Variants in ATXN7L1 observed in about 807,000 individuals in gnomAD.
ATXN7L1 encodes ataxin 7 like 1.
In ATXN7L1, 15 loss-of-function variants were observed where a neutral mutation model predicts 70.8. The observed-to-expected ratio is 0.21, with a 90% confidence interval of 0.14 to 0.33. The LOEUF is 0.33. ATXN7L1 is among the 10% of genes least tolerant of loss of function. The probability of loss-of-function intolerance (pLI) is 1.00; values close to 1 mark genes in which losing one functional copy is unlikely to be tolerated. For synonymous variants in ATXN7L1, 440 were observed against 445.1 expected (o/e 0.99, Z 0.14); for missense variants, 975 against 1,097.1 (o/e 0.89, Z 1.57).
intron 3 of ATXN7L1, among the ~76,000 whole-genome samples, chr7:105,677,744 C>G (rs1254568364): frequency 6.6e-6 from 1 of 152,194 alleles, no homozygotes; most frequent in Non-Finnish European, 1.5e-5. Context: ...ATCCCTGCCC[C>G]TGAATTAAAT....
At chr7:105,848,929 C>A (rs1301524338) in intron 2 of ATXN7L1, among the ~76,000 whole-genome samples, 1 of 152,108 alleles carries the variant, frequency 6.6e-6, no homozygotes, top group Admixed American at 6.5e-5. Context: ...GGGCCCTCTC[C>A]CTGCACTGCA....
In ATXN7L1 at chr7:105,773,138, C is replaced by T. The variant is rs1039588419; in HGVS notation, c.355+15466G>A. 5.6e-4 allele frequency among the ~76,000 whole-genome samples: 85 copies of T among 152,226 alleles called. 1 individual carries two copies. The highest frequency in any genetic ancestry group is 2.0e-3 in the African/African-American group (83 of 41,524). On this transcript the variant is annotated intron_variant, in intron 3 of 11. Coordinates refer to ENST00000419735, the MANE Select transcript of ATXN7L1 (RefSeq NM_020725.2). ...GTGTGGTTTTTTTCCTATGTGTGGC[C>T]TAGTTGCTATGGGACTAGTTAATTT...
At chr7:105,675,056 T>A (rs1804412903) in intron 3 of ATXN7L1, among the ~76,000 whole-genome samples, 1 of 151,976 alleles carries the variant, frequency 6.6e-6, no homozygotes, top group Admixed American at 6.6e-5. Context: ...TAGCCTTTCA[T>A]CTGGTAATCT....
rs577014147 is a variant in ATXN7L1, at chr7:105,708,497, A to G, written c.356-43209T>C. Among the ~76,000 whole-genome samples the G allele has an allele frequency of 9.8e-5, 15 of 152,344 alleles. No homozygotes were observed. In the East Asian group the frequency reaches 2.3e-3, roughly 24 times the overall value. Reference sequence around the variant, plus strand: ...TCATCCAAAGAAATATTTTTGCCCCATTAAAATAAATTGGAGCGCAACTTA... The same window carrying G: ...TCATCCAAAGAAATATTTTTGCCCCGTTAAAATAAATTGGAGCGCAACTTA... On this transcript the variant is annotated intron_variant, in intron 3 of 11. Coordinates refer to ENST00000419735, the MANE Select transcript of ATXN7L1 (RefSeq NM_020725.2).
chr7:105,858,034 C>A (rs1350808413), intron 2 of ATXN7L1, among the ~76,000 whole-genome samples: 1 of 152,080 alleles, frequency 6.6e-6, no homozygotes, highest in African/African-American at 2.4e-5. Flanking sequence ...GAGTTGGAGA[C>A]CAGCCTGGGC....
At chr7:105,706,233 G>A (rs1303176166) in intron 3 of ATXN7L1, among the ~76,000 whole-genome samples, 6 of 150,654 alleles carry the variant, frequency 4.0e-5, no homozygotes, top group Admixed American at 1.3e-4. Flanking sequence ...TCGCCCTGTC[G>A]CCCAGGCTGG....
intron 3 of ATXN7L1, among the ~76,000 whole-genome samples, chr7:105,710,857 G>A (rs1793819799): frequency 6.6e-6 from 1 of 152,106 alleles, no homozygotes; most frequent in African/African-American, 2.4e-5. Context: ...ACCCGAGACT[G>A]GGCAATTTAC....
At chr7:105,757,053 C>G (rs930283134) in intron 3 of ATXN7L1, among the ~76,000 whole-genome samples, 5 of 152,152 alleles carry the variant, frequency 3.3e-5, no homozygotes, top group African/African-American at 1.2e-4. Context: ...ATACTACCTT[C>G]AAAACCATCA....
At chr7:105,857,963 T>C (rs1431965823) in intron 2 of ATXN7L1, among the ~76,000 whole-genome samples, 1 of 151,060 alleles carries the variant, frequency 6.6e-6, no homozygotes, top group Admixed American at 6.6e-5. Context: ...GCTGGTGCAG[T>C]GTTCATGCCT....
intron 5 of ATXN7L1, among the ~76,000 whole-genome samples, chr7:105,640,099 C>T (rs950352552): frequency 2.4e-4 from 36 of 151,986 alleles, no homozygotes; most frequent in African/African-American, 8.5e-4. Flanking sequence ...TCAGAGTGAC[C>T]TGCCTCTCTC....
At chr7:105,830,546 C>T (rs931329245) in intron 2 of ATXN7L1, among the ~76,000 whole-genome samples, 3 of 152,256 alleles carry the variant, frequency 2.0e-5, no homozygotes, top group Non-Finnish European at 2.9e-5. Context: ...AAGATAACAT[C>T]TGAGTCATCA....
chr7:105,736,073 A>T (rs1277068569), intron 3 of ATXN7L1, among the ~76,000 whole-genome samples: 1 of 152,022 alleles, frequency 6.6e-6, no homozygotes, highest in Admixed American at 6.5e-5. Flanking sequence ...ATCCAAAGGG[A>T]CTCTAGAGTT....
chr7:105,661,344 A>T (rs569412413), intron 4 of ATXN7L1, among the ~76,000 whole-genome samples: 3 of 152,252 alleles, frequency 2.0e-5, no homozygotes, highest in South Asian at 2.1e-4. Context: ...CTGGCCTAAT[A>T]GGGTGGTATT....
In ATXN7L1 at chr7:105,849,949, T is replaced by C. The variant is rs183718632; in HGVS notation, c.250+25863A>G. Among the ~76,000 whole-genome samples, 18 of 152,354 alleles carry C rather than the reference T, an allele frequency of 1.2e-4. No homozygotes were observed. The East Asian group carries it at 3.3e-3, about 28-fold the overall frequency. ...CTTAAAAATTAATGCAAATTTTCCT[T>C]GATACTCTATTTTTGCCCTACTGTA... is the stretch of plus-strand genomic sequence containing the variant. On this transcript the variant is annotated intron_variant, in intron 2 of 11. Coordinates refer to ENST00000419735, the MANE Select transcript of ATXN7L1 (RefSeq NM_020725.2).
chr7:105,615,253 T>C (rs1793707758), intron 9 of ATXN7L1, among the ~76,000 whole-genome samples: 1 of 152,124 alleles, frequency 6.6e-6, no homozygotes, highest in African/African-American at 2.4e-5. Context: ...GTAAGAAATG[T>C]GAGGACAGGG....
At chr7:105,742,916 C>T (rs1026188707) in intron 3 of ATXN7L1, among the ~76,000 whole-genome samples, 13 of 152,210 alleles carry the variant, frequency 8.5e-5, no homozygotes, top group South Asian at 6.2e-4. Context: ...CAGCATCCCA[C>T]GATTCACCTC....
chr7:105,755,786 A>C (rs1171288112), intron 3 of ATXN7L1, among the ~76,000 whole-genome samples: 2 of 152,198 alleles, frequency 1.3e-5, no homozygotes, highest in Admixed American at 6.5e-5. Flanking sequence ...AGACTCATTA[A>C]AAGAAAAGCT....
intron 3 of ATXN7L1, among the ~76,000 whole-genome samples, chr7:105,776,941 T>C (rs1392858495): frequency 6.6e-6 from 1 of 152,170 alleles, no homozygotes; most frequent in Non-Finnish European, 1.5e-5. Context: ...GGATAACTTT[T>C]GTATTTTTAG....
intron 2 of ATXN7L1, among the ~76,000 whole-genome samples, 182 bp downstream of exon 2, chr7:105,875,630 C>CA: frequency 1.7e-5 from 2 of 117,976 alleles, no homozygotes; most frequent in Admixed American, 1.8e-4. Flanking sequence ...CCCCTTTACC[C>CA]CCCCCCCAGT....
Sources: allele counts gnomAD v4.1 joint callset (sites outside exome capture counted in the v4.1 genomes callset), GRCh38; gene constraint gnomAD v4.1.1; transcripts MANE v1.5; gene names NCBI Gene and HGNC (gene_info 2026-07-23, HGNC 2026-07-21).